YTHDC2: variants seen among roughly 807,000 people sequenced by gnomAD.
YTHDC2 encodes YTH N6-methyladenosine RNA binding protein C2, also known as 3'-5' RNA helicase YTHDC2.
YTHDC2 carries 45 observed loss-of-function variants against 174.9 expected under a neutral mutation model. The observed-to-expected ratio is 0.26, with a 90% confidence interval of 0.20 to 0.33. YTHDC2 has a LOEUF of 0.33. Ranked by LOEUF, YTHDC2 falls within the 10% of genes least tolerant of loss-of-function variation. The probability of loss-of-function intolerance (pLI) is 1.00; values close to 1 mark genes in which losing one functional copy is unlikely to be tolerated. For missense variants in YTHDC2, 1,650 were observed against 1,723.7 expected (o/e 0.96, Z 0.76); for synonymous variants, 657 against 574.5 (o/e 1.14, Z -2.05).
intron 8 of YTHDC2, among the ~76,000 whole-genome samples, chr5:113,540,702 C>T (rs369702882): frequency 6.6e-6 from 1 of 152,186 alleles, no homozygotes; most frequent in Non-Finnish European, 1.5e-5. Context: ...TTTCCCTCAA[C>T]ACCTGCGAAT....
intron 4 of YTHDC2, among the ~76,000 whole-genome samples, chr5:113,527,044 C>T (rs1488976171): frequency 6.6e-6 from 1 of 151,924 alleles, no homozygotes; most frequent in Non-Finnish European, 1.5e-5. Context: ...TTTATTTAAA[C>T]AGAGTTGGGA....
chr5:113,542,679 GAAAT>G (rs1424241004), intron 10 of YTHDC2, among the ~76,000 whole-genome samples, 176 bp downstream of exon 10: 1 of 152,178 alleles, frequency 6.6e-6, no homozygotes, highest in African/African-American at 2.4e-5. Flanking sequence ...CAGCATAGTA[GAAAT>G]AAATATTGTG....
At position 113,595,143 on chromosome 5, in the gene YTHDC2, C is replaced by T. The variant is rs1256300034; in HGVS notation, c.*1669C>T. On this transcript the variant is annotated 3_prime_UTR_variant, in exon 30 of 30. Transcript: ENST00000161863. ...TAAAAAAAAAACTTGTTTAAATTTCCATCTGTTTTGTAATATCTAGCTCTA... is the reference window on the plus strand; with the variant it reads ...TAAAAAAAAAACTTGTTTAAATTTCTATCTGTTTTGTAATATCTAGCTCTA... 2 of 151,714 alleles carry T rather than the reference C, an allele frequency of 1.3e-5. No homozygotes were observed. The highest frequency in any genetic ancestry group is 4.8e-5 in the African/African-American group (2 of 41,314). 9.4% of individuals were successfully genotyped at this position (151,714 alleles called of 1,614,324 possible). A position where few individuals can be genotyped will look rare whatever the true frequency, so the allele number is the denominator to read the frequency against.
rs114365474 is a variant in YTHDC2, at chr5:113,530,985, G to A, written c.676-1894G>A. ...ATTCTAGGATGGTGTTTTTCTTCCC[G>A]CCCCCCAACTCCTTCTCTCCGCTCT... On this transcript the variant is annotated intron_variant, in intron 4 of 29. Coordinates refer to ENST00000161863, the MANE Select transcript of YTHDC2 (RefSeq NM_022828.5). 6.6e-3 allele frequency among the ~76,000 whole-genome samples: 1,001 copies of A among 151,992 alleles called. 7 individuals are homozygous for A. Among genetic ancestry groups the A allele is most frequent in the African/African-American group, 0.022 (917 of 41,480 alleles).
At chr5:113,582,792 G>A (rs1316172086) in intron 25 of YTHDC2, 1 of 152,050 alleles carries the variant, frequency 6.6e-6, no homozygotes, top group Non-Finnish European at 1.5e-5. Context: ...AGCCTTTAAA[G>A]AGGAATAAAA....
At position 113,548,531 on chromosome 5, in the gene YTHDC2, C is replaced by A. The variant is rs201134425; in HGVS notation, c.1496-10C>A. The A allele has an allele frequency of 8.3e-6, 13 of 1,570,578 alleles. No individual in the cohort carries two copies. In the East Asian group the frequency reaches 2.9e-4, roughly 35 times the overall value. Reference sequence around the variant, plus strand: ...AAATTTAAGTTTTATTTATCTTTTCCTTTTTTTAGTTGATTACAGACATAG... The same window carrying A: ...AAATTTAAGTTTTATTTATCTTTTCATTTTTTTAGTTGATTACAGACATAG... On this transcript the variant is annotated splice_polypyrimidine_tract_variant and intron_variant, in intron 10 of 29. Coordinates refer to ENST00000161863, the MANE Select transcript of YTHDC2 (RefSeq NM_022828.5).
chr5:113,559,714 A>G (rs1463754387), intron 17 of YTHDC2, among the ~76,000 whole-genome samples: 1 of 152,222 alleles, frequency 6.6e-6, no homozygotes, highest in Non-Finnish European at 1.5e-5. Flanking sequence ...CTTCTAGATC[A>G]ACTGCAGACA....
At chr5:113,534,489 A>C in intron 6 of YTHDC2, 82 bp downstream of exon 6, 1 of 1,240,404 alleles carries the variant, frequency 8.1e-7, no homozygotes, top group Non-Finnish European at 1.2e-6. Context: ...ATAGTCTCAA[A>C]AAATTTAAAT....
chr5:113,513,904 G>T lies in YTHDC2; in HGVS notation c.9G>T (p.Arg3Ser). The change falls in exon 1 of 30, where the codon AGG becomes AGT. Residue 3 changes from arginine (R) to serine (S), a missense_variant. By Grantham distance (110) the Arg-to-Ser change is moderately radical. Coordinates refer to ENST00000161863, the MANE Select transcript of YTHDC2 (RefSeq NM_022828.5). MS[R>S]PSSVSPRQPA... ...ACCATCTCTTCAGGGCAATGTCCAGGCCGAGCAGCGTCTCCCCGCGGCAGC... is the reference window on the plus strand; with the variant it reads ...ACCATCTCTTCAGGGCAATGTCCAGTCCGAGCAGCGTCTCCCCGCGGCAGC... 2 of 1,603,850 alleles carry T rather than the reference G, an allele frequency of 1.2e-6. No homozygotes were observed. Among genetic ancestry groups the T allele is most frequent in the Non-Finnish European group, 1.7e-6 (2 of 1,176,150 alleles).
chr5:113,523,697 A>G (rs1284335699), intron 2 of YTHDC2, among the ~76,000 whole-genome samples: 1 of 152,150 alleles, frequency 6.6e-6, no homozygotes, highest in Non-Finnish European at 1.5e-5. Flanking sequence ...TCCAGAAATC[A>G]AAAACCTTGA....
intron 17 of YTHDC2, among the ~76,000 whole-genome samples, chr5:113,558,788 G>T (rs1356993604): frequency 6.6e-6 from 1 of 151,880 alleles, no homozygotes; most frequent in Admixed American, 6.6e-5. Context: ...CAGGTGTGGG[G>T]GTGGGCACCT....
In YTHDC2 at chr5:113,588,523, C is replaced by T. The variant is rs78615279; in HGVS notation, c.3826-2518C>T. Reference sequence around the variant, plus strand: ...TAGTTGGGAAGTGTTTGTCCCACTTCAGTATTTTAGAAGAGATGTGTAGAA... The same window carrying T: ...TAGTTGGGAAGTGTTTGTCCCACTTTAGTATTTTAGAAGAGATGTGTAGAA... On this transcript the variant is annotated intron_variant, in intron 26 of 29. Coordinates refer to ENST00000161863, the MANE Select transcript of YTHDC2 (RefSeq NM_022828.5). 2.4e-3 allele frequency among the ~76,000 whole-genome samples: 364 copies of T among 152,046 alleles called. 1 individual carries two copies. Among genetic ancestry groups the T allele is most frequent in the Non-Finnish European group, 2.9e-3 (199 of 67,956 alleles).
At chr5:113,567,508 T>C in intron 22 of YTHDC2, 146 bp from the exon 23 acceptor site, 2 of 709,170 alleles carry the variant, frequency 2.8e-6, no homozygotes, top group Non-Finnish European at 4.2e-6. Flanking sequence ...TTGTACGAAC[T>C]ACATGAGCGA....
chr5:113,574,090 G>A lies in YTHDC2; in HGVS notation c.3245-5496G>A, dbSNP rs138399604. 2.6e-3 allele frequency among the ~76,000 whole-genome samples: 401 copies of A among 152,184 alleles called. 6 individuals are homozygous for A. The highest frequency in any genetic ancestry group is 0.02 in the East Asian group (104 of 5,172). On this transcript the variant is annotated intron_variant, in intron 23 of 29. Transcript: ENST00000161863. Reference sequence around the variant, plus strand: ...TCTTTGCATTATTTCTCACCTTTGCGGGCTTATCTACCTTTGATCTTTGAG... The same window carrying A: ...TCTTTGCATTATTTCTCACCTTTGCAGGCTTATCTACCTTTGATCTTTGAG...
intron 26 of YTHDC2, among the ~76,000 whole-genome samples, chr5:113,590,334 A>G (rs1045662288): frequency 3.3e-5 from 5 of 152,238 alleles, no homozygotes; most frequent in African/African-American, 1.2e-4. Context: ...ATACTAAGGT[A>G]TGGCCCTTCT....
intron 23 of YTHDC2, among the ~76,000 whole-genome samples, chr5:113,577,578 C>T (rs151246965): frequency 2.0e-3 from 305 of 152,194 alleles, no homozygotes; most frequent in African/African-American, 6.8e-3. Flanking sequence ...CCATGTTGCC[C>T]AGGCTGGTCT....
rs368975720 is a variant in YTHDC2 at position 113,589,408 on chromosome 5, A to AAAAT, written c.3826-1632_3826-1631insAATA. Among the ~76,000 whole-genome samples, 227 of 123,238 alleles carry AAAAT rather than the reference A, an allele frequency of 1.8e-3. 1 individual carries two copies. The highest frequency in any genetic ancestry group is 4.0e-3 in the African/African-American group (117 of 29,296). 80.8% of individuals were successfully genotyped at this position (123,238 alleles called of 152,430 possible). A position where few individuals can be genotyped will look rare whatever the true frequency, so the allele number is the denominator to read the frequency against. ...TCTTTTAAAAATTAAAAAAAAAAAA[A>AAAAT]ATATATATATATATATATATATATG... On this transcript the variant is annotated intron_variant, in intron 26 of 29. Coordinates refer to ENST00000161863, the MANE Select transcript of YTHDC2 (RefSeq NM_022828.5).
At chr5:113,560,983 C>T (rs1776923816) in intron 17 of YTHDC2, 97 bp from the exon 18 acceptor site, 2 of 1,028,808 alleles carry the variant, frequency 1.9e-6, no homozygotes, top group East Asian at 2.7e-5. Context: ...TATCCTGATC[C>T]TGGATCATTT....
chr5:113,518,124 G>A lies in YTHDC2; in HGVS notation c.278+2762G>A, dbSNP rs371450178. ...AGGATTGTCTAGATCTCCTGACCTC[G>A]TGATCTGCCCGCCTTGGCCTCCCAA... On this transcript the variant is annotated intron_variant, in intron 2 of 29. Coordinates refer to ENST00000161863, the MANE Select transcript of YTHDC2 (RefSeq NM_022828.5). Among the ~76,000 whole-genome samples, 29 of 151,002 alleles carry A rather than the reference G, an allele frequency of 1.9e-4. 3 individuals carry two copies. The highest frequency in any genetic ancestry group is 7.3e-4 in the Admixed American group (11 of 15,146).
Sources: allele counts gnomAD v4.1 joint callset (sites outside exome capture counted in the v4.1 genomes callset), GRCh38; gene constraint gnomAD v4.1.1; transcripts MANE v1.5; gene names NCBI Gene and HGNC (gene_info 2026-07-23, HGNC 2026-07-21).